Variants in SLC26A8 observed in about 807,000 individuals in gnomAD.
The protein encoded by SLC26A8 is testis anion transporter 1.
SLC26A8 carries 70 observed loss-of-function variants against 105.0 expected under a neutral mutation model. That is an observed-to-expected ratio of 0.67 (90% CI 0.55 to 0.81). SLC26A8 has a LOEUF of 0.81. Ranked by LOEUF, SLC26A8 falls within the 40% of genes least tolerant of loss-of-function variation. SLC26A8 has a pLI of 0.00. For synonymous variants in SLC26A8, 415 were observed against 438.3 expected (o/e 0.95, Z 0.66); for missense variants, 998 against 1,181.8 (o/e 0.84, Z 2.28).
intron 11 of SLC26A8, among the ~76,000 whole-genome samples, chr6:35,965,406 T>C (rs112640275): frequency 1.1e-4 from 17 of 152,062 alleles, no homozygotes; most frequent in African/African-American, 3.9e-4. Flanking sequence ...TGGCTGGGCG[T>C]GGTGGCTCAC....
At chr6:35,962,116 C>T (rs1459335013) in intron 12 of SLC26A8, among the ~76,000 whole-genome samples, 1 of 151,756 alleles carries the variant, frequency 6.6e-6, no homozygotes, top group Non-Finnish European at 1.5e-5. Flanking sequence ...GTCCCAGCTA[C>T]TCGGGAGGCT....
intron 8 of SLC26A8, among the ~76,000 whole-genome samples, chr6:35,980,606 G>T (rs1000215599): frequency 6.6e-6 from 1 of 152,068 alleles, no homozygotes; most frequent in African/African-American, 2.4e-5. Flanking sequence ...GTACCTAGGT[G>T]GTGTCTGCCC....
chr6:36,018,319 T>C (rs1299978083), intron 2 of SLC26A8, among the ~76,000 whole-genome samples: 1 of 152,242 alleles, frequency 6.6e-6, no homozygotes, highest in African/African-American at 2.4e-5. Flanking sequence ...AATGGAATAT[T>C]ATTCAGCCAT....
chr6:35,966,399 G>C (rs1478211340), intron 11 of SLC26A8, among the ~76,000 whole-genome samples: 1 of 152,062 alleles, frequency 6.6e-6, no homozygotes, highest in Non-Finnish European at 1.5e-5. Flanking sequence ...AGTATGGAGA[G>C]GAAACAAATC....
intron 8 of SLC26A8, among the ~76,000 whole-genome samples, chr6:35,978,844 C>CTTT (rs370881691): frequency 1.4e-5 from 2 of 140,824 alleles, no homozygotes; most frequent in Admixed American, 7.2e-5. Context: ...TCTTCTTCTT[C>CTTT]TTTTTTTTTT....
At chr6:35,985,437 G>A (rs143068435) in intron 7 of SLC26A8, among the ~76,000 whole-genome samples, 3 of 152,102 alleles carry the variant, frequency 2.0e-5, no homozygotes, top group Admixed American at 6.6e-5. Flanking sequence ...GCTCATGCCT[G>A]TAATCCCAGC....
At chr6:36,023,100 T>C (rs1171020351) in intron 1 of SLC26A8, among the ~76,000 whole-genome samples, 1 of 151,644 alleles carries the variant, frequency 6.6e-6, no homozygotes, top group African/African-American at 2.4e-5. Context: ...AGTGCTAAAT[T>C]TGGGGGCCCT....
At chr6:35,951,102 C>CCCCACCCCCCCCAGCCCACAAAA in intron 19 of SLC26A8, 61 bp downstream of exon 19, 4 of 1,356,456 alleles carry the variant, frequency 2.9e-6, no homozygotes, top group Non-Finnish European at 3.1e-6. Flanking sequence ...CCACCCCTCA[C>CCCCACCCCCCCCAGCCCACAAAA]CCATCCCCCC....
At position 35,956,740 on chromosome 6, in the gene SLC26A8, C is replaced by T. The variant is rs186398808; in HGVS notation, c.1864-1220G>A. On this transcript the variant is annotated intron_variant, in intron 16 of 19. Transcript: ENST00000490799. ...TTCGAGACCAGCCTGACCAACATGG[C>T]GAAATTCCATCTCTACTAAAAATAC... Among the ~76,000 whole-genome samples the T allele has an allele frequency of 3.7e-4, 56 of 149,560 alleles. No individual in the cohort carries two copies. The South Asian group carries it at 0.011, about 28-fold the overall frequency.
Position 36,019,644 on chromosome 6 carries a change from C to G in SLC26A8, c.64G>C (p.Ala22Pro). The G allele has an allele frequency of 6.2e-7, 1 of 1,614,066 alleles. No individual in the cohort carries two copies. Among genetic ancestry groups the G allele is most frequent in the Middle Eastern group, 1.7e-4 (1 of 6,060 alleles). The change falls in exon 2 of 20, where the codon GCA becomes CCA. Residue 22 changes from alanine to proline, a missense_variant. Physicochemically the swap from Ala to Pro is conservative, Grantham distance 27. Coordinates refer to ENST00000490799, the MANE Select transcript of SLC26A8 (RefSeq NM_052961.4). Reference protein sequence around the residue: ...FSSKSRRNSFAYDVKREVYNE... With the variant: ...FSSKSRRNSFPYDVKREVYNE... ...TATACTTCACGCTTAACATCATATG[C>G]GAATGAGTTTCGCCTGGACTTAGAG... is the stretch of plus-strand genomic sequence containing the variant.
intron 12 of SLC26A8, among the ~76,000 whole-genome samples, chr6:35,962,013 G>A (rs910045608): frequency 6.6e-6 from 1 of 152,172 alleles, no homozygotes; most frequent in African/African-American, 2.4e-5. Context: ...GGATCACAAG[G>A]TTAGGAGTTT....
At chr6:35,961,712 C>T (rs917071756) in intron 12 of SLC26A8, among the ~76,000 whole-genome samples, 11 of 152,156 alleles carry the variant, frequency 7.2e-5, no homozygotes, top group African/African-American at 2.7e-4. Flanking sequence ...GGATCTGGCT[C>T]CAAAAGTTAT....
Position 35,997,854 on chromosome 6 carries a change from G to A in SLC26A8, c.511C>T (p.Gln171Ter). The A allele has an allele frequency of 1.2e-6, 2 of 1,614,158 alleles. No homozygotes were observed. Among genetic ancestry groups the A allele is most frequent in the South Asian group, 2.2e-5 (2 of 91,080 alleles). The change falls in exon 5 of 20, where the codon CAA becomes TAA. Residue 171 changes from glutamine (Q) to a stop codon, truncating the protein, a stop_gained. Transcript: ENST00000490799. LOFTEE classifies it high-confidence loss of function. ...VLKVSPFNNGQLVMGSFVKNE... is the reference protein window; with the variant it reads ...VLKVSPFNNG ...TTGACGAAAGATCCCATGACCAGTTGACCGTTGTTGAATGGGCTCACTTTC... is the reference window on the plus strand; with the variant it reads ...TTGACGAAAGATCCCATGACCAGTTAACCGTTGTTGAATGGGCTCACTTTC...
chr6:35,998,445 C>T (rs1382506141), intron 4 of SLC26A8, among the ~76,000 whole-genome samples: 1 of 151,750 alleles, frequency 6.6e-6, no homozygotes, highest in East Asian at 1.9e-4. Flanking sequence ...ATCCCACCTA[C>T]TCAGGAGGCT....
chr6:36,019,375 A>C (rs952763321), intron 2 of SLC26A8, 145 bp downstream of exon 2: 1 of 895,968 alleles, frequency 1.1e-6, no homozygotes, highest in Non-Finnish European at 1.6e-6. Context: ...CAAACCACAA[A>C]AATGACTGAA....
At chr6:35,949,949 G>T (rs1343807786) in intron 19 of SLC26A8, among the ~76,000 whole-genome samples, 2 of 151,836 alleles carry the variant, frequency 1.3e-5, no homozygotes, top group African/African-American at 4.8e-5. Context: ...GGGACTACAG[G>T]CGCGTGCCAC....
chr6:35,954,540 C>T (rs1334937255), intron 17 of SLC26A8, among the ~76,000 whole-genome samples: 2 of 152,102 alleles, frequency 1.3e-5, no homozygotes, highest in East Asian at 1.9e-4. Context: ...AGTTACTGGG[C>T]GTGGCACAGA....
chr6:36,022,846 G>C (rs1481508848), intron 1 of SLC26A8, among the ~76,000 whole-genome samples: 2 of 151,456 alleles, frequency 1.3e-5, no homozygotes, highest in African/African-American at 2.4e-5. Context: ...TTCCCAAGAA[G>C]ATGCAATGAC....
At position 35,944,033 on chromosome 6, in the gene SLC26A8, C is replaced by T. The variant is rs371431327; in HGVS notation, c.2780G>A (p.Arg927His). ...AGACGGATGATACATAGGCCAGTAA[C>T]GCTGCTGAGGAAAAGTGTGAGCTCT... ...RPRAHTFPQQRYWPMYHPSMA... is the reference protein window; with the variant it reads ...RPRAHTFPQQHYWPMYHPSMA... The change falls in exon 20 of 20, where the codon CGT (arginine) becomes CAT (histidine). Residue 927 changes from arginine to histidine, a missense_variant. Physicochemically the swap from Arg to His is conservative, Grantham distance 29. Transcript: ENST00000490799. 1.2e-5 allele frequency: 19 copies of T among 1,613,912 alleles called. No homozygotes were observed. The highest frequency in any genetic ancestry group is 4.4e-5 in the South Asian group (4 of 91,070).
Sources: allele counts gnomAD v4.1 joint callset (sites outside exome capture counted in the v4.1 genomes callset), GRCh38; gene constraint gnomAD v4.1.1; transcripts MANE v1.5; gene names NCBI Gene and HGNC (gene_info 2026-07-23, HGNC 2026-07-21).